Variants in SLTM observed in about 807,000 individuals in gnomAD.
SLTM encodes SAFB like transcription modulator.
A neutral mutation model predicts 134.6 loss-of-function variants in SLTM; 43 were observed. That is an observed-to-expected ratio of 0.32 (90% CI 0.25 to 0.41). SLTM has a LOEUF of 0.41. Among genes scored for constraint, SLTM ranks in the 10% least tolerant of loss-of-function variants. The pLI, the probability that SLTM is intolerant of heterozygous loss-of-function variation, is 1.00. For missense variants in SLTM, 1,055 were observed against 1,288.8 expected (o/e 0.82, Z 2.78); for synonymous variants, 424 against 432.3 (o/e 0.98, Z 0.24).
chr15:58,890,565 T>A lies in SLTM; in HGVS notation c.1899-104A>T, dbSNP rs2034571517. 3 of 1,130,024 alleles carry A rather than the reference T, an allele frequency of 2.7e-6. No homozygotes were observed. In the Admixed American group the frequency reaches 7.6e-5, roughly 29 times the overall value. 70.0% of individuals were successfully genotyped at this position (1,130,024 alleles called of 1,614,324 possible). On this transcript the variant is annotated intron_variant, in intron 14 of 20. Coordinates refer to ENST00000380516, the MANE Select transcript of SLTM (RefSeq NM_024755.4). ...TCCTTGAGGTTGGCAATTTTAAATTTCAACTCAATCTAAGTAGTTTTAATG... is the reference window on the plus strand; with the variant it reads ...TCCTTGAGGTTGGCAATTTTAAATTACAACTCAATCTAAGTAGTTTTAATG...
At chr15:58,886,712 T>C (rs1470783416) in intron 19 of SLTM, among the ~76,000 whole-genome samples, 1 of 152,222 alleles carries the variant, frequency 6.6e-6, no homozygotes, top group Non-Finnish European at 1.5e-5. Context: ...TTAACAATTC[T>C]TAAATTTCAC....
chr15:58,916,307 G>A (rs2036646715), intron 3 of SLTM, among the ~76,000 whole-genome samples: 1 of 151,642 alleles, frequency 6.6e-6, no homozygotes. Flanking sequence ...TCAAGTAGTT[G>A]GGATTACAGG....
intron 15 of SLTM, chr15:58,890,018 G>A: frequency 2.1e-6 from 1 of 487,080 alleles, no homozygotes; most frequent in South Asian, 2.9e-5. Context: ...CAACTACTCT[G>A]GACTCATAGT....
rs183643752 is a variant in SLTM, at chr15:58,929,462, G to T, written c.250+2894C>A. Reference sequence around the variant, plus strand: ...AAACTCCATCTCAAAAAAAAGAAAAGAAAAGAAAAACGGACATCACATTAA... The same window carrying T: ...AAACTCCATCTCAAAAAAAAGAAAATAAAAGAAAAACGGACATCACATTAA... On this transcript the variant is annotated intron_variant, in intron 2 of 20. Transcript: ENST00000380516. 8.5e-4 allele frequency among the ~76,000 whole-genome samples: 130 copies of T among 152,104 alleles called. 1 individual carries two copies. Among genetic ancestry groups the T allele is most frequent in the Admixed American group, 1.3e-3 (20 of 15,276 alleles).
At chr15:58,907,719 A>G (rs1249569490) in intron 5 of SLTM, among the ~76,000 whole-genome samples, 2 of 152,210 alleles carry the variant, frequency 1.3e-5, no homozygotes, top group African/African-American at 4.8e-5. Context: ...CAAGCTAGTA[A>G]AACAACACTA....
intron 8 of SLTM, 25 bp from the exon 9 acceptor site, chr15:58,897,258 T>A (rs2035158723): frequency 7.8e-7 from 1 of 1,277,578 alleles, no homozygotes; most frequent in Non-Finnish European, 1.1e-6. Context: ...ATATCAGATG[T>A]TTAAGTATCT....
chr15:58,929,346 G>C (rs903745715), intron 2 of SLTM, among the ~76,000 whole-genome samples: 13 of 152,108 alleles, frequency 8.5e-5, no homozygotes, highest in African/African-American at 2.9e-4. Context: ...TACTCGGGAG[G>C]CTGAGGCAGG....
intron 9 of SLTM, among the ~76,000 whole-genome samples, chr15:58,894,969 T>C (rs1356947647): frequency 6.6e-6 from 1 of 152,196 alleles, no homozygotes. Context: ...CCTCCCACAG[T>C]GCTGGGATTA....
chr15:58,927,543 T>C (rs1158680334), intron 2 of SLTM, among the ~76,000 whole-genome samples: 2 of 152,200 alleles, frequency 1.3e-5, no homozygotes, highest in East Asian at 3.8e-4. Context: ...AGTACTGGGA[T>C]TACAGGCGTG....
chr15:58,884,379 C>T (rs1595823429), intron 19 of SLTM, among the ~76,000 whole-genome samples: 2 of 152,008 alleles, frequency 1.3e-5, no homozygotes, highest in African/African-American at 2.4e-5. Flanking sequence ...AATGCAGTGG[C>T]GCGATCTCGG....
At chr15:58,895,699 C>T (rs1205079480) in intron 9 of SLTM, among the ~76,000 whole-genome samples, 1 of 152,164 alleles carries the variant, frequency 6.6e-6, no homozygotes, top group Non-Finnish European at 1.5e-5. Context: ...TAAATACCAA[C>T]ATTAAAATAT....
chr15:58,899,864 A>G lies in SLTM; in HGVS notation c.663T>C (p.Ala221=). 6.2e-7 allele frequency: 1 copy of G among 1,614,126 alleles called. No individual in the cohort carries two copies. Among genetic ancestry groups the G allele is most frequent in the Non-Finnish European group, 8.5e-7 (1 of 1,180,004 alleles). Reference sequence around the variant, plus strand: ...CCATCTCTTCATGAGCTGTGTGATCAGCCTCAGCTAGGCTCCCTTCTGAAG... The same window carrying G: ...CCATCTCTTCATGAGCTGTGTGATCGGCCTCAGCTAGGCTCCCTTCTGAAG... ...PLPSEGSLAE[A]DHTAHEEMEA... Residue 221 remains alanine, a synonymous_variant, in exon 7 of 21, where the codon GCT becomes GCC. Coordinates refer to ENST00000380516, the MANE Select transcript of SLTM (RefSeq NM_024755.4). The surrounding 1 kb of genome is among the most constrained non-coding windows in gnomAD (Gnocchi z 5.0).
intron 1 of SLTM, 151 bp downstream of exon 1, chr15:58,933,253 C>T: frequency 8.0e-6 from 6 of 754,342 alleles, no homozygotes; most frequent in Non-Finnish European, 1.1e-5. Context: ...CCCCGTCCTC[C>T]ACGCTCGCGG....
chr15:58,912,948 A>C (rs1159645852), intron 4 of SLTM: 9 of 201,142 alleles, frequency 4.5e-5, no homozygotes, highest in Admixed American at 2.7e-4. Flanking sequence ...CAAATGGTCT[A>C]TTTCAAAGAA....
rs1277170159 is a variant in SLTM at position 58,887,329 on chromosome 15, C to G, written c.2587G>C (p.Asp863His). The change falls in exon 18 of 21, where the codon GAT (aspartate) becomes CAT (histidine). Residue 863 changes from aspartate (D) to histidine (H), a missense_variant. Asp to His is a moderately conservative substitution (Grantham distance 81, BLOSUM62 -1). This residue lies in a region of SLTM where 776 missense variants were observed against 962.2 expected (regional missense o/e 0.81). Transcript: ENST00000380516. ...CGAGGATGTCTAGGATGAGTGATATCAGGCCTGTCATGAATAATCACCGTT... is the reference window on the plus strand; with the variant it reads ...CGAGGATGTCTAGGATGAGTGATATGAGGCCTGTCATGAATAATCACCGTT... Reference protein sequence around the residue: ...RRTVIIHDRPDITHPRHPREA... With the variant: ...RRTVIIHDRPHITHPRHPREA... 2.5e-6 allele frequency: 4 copies of G among 1,614,026 alleles called. No individual in the cohort carries two copies. Among genetic ancestry groups the G allele is most frequent in the Non-Finnish European group, 3.4e-6 (4 of 1,180,024 alleles).
chr15:58,908,779 C>T (rs1260113220), intron 5 of SLTM, among the ~76,000 whole-genome samples: 1 of 152,144 alleles, frequency 6.6e-6, no homozygotes, highest in Non-Finnish European at 1.5e-5. Context: ...GAACTTAAAA[C>T]ACAGTGTTCA....
At chr15:58,904,039 G>A (rs2141057150) in intron 5 of SLTM, among the ~76,000 whole-genome samples, 1 of 152,268 alleles carries the variant, frequency 6.6e-6, no homozygotes, top group Non-Finnish European at 1.5e-5. Flanking sequence ...GTCTCACTCT[G>A]TTACCCAGGC....
rs142959204 is a variant in SLTM at position 58,883,770 on chromosome 15, C to A, written c.2852G>T (p.Arg951Leu). ...CCGTCCATGGCGTTCAACCACATGT[C>A]GCTCCTCAGGATAGTGCTAAAAGAA... ...GGGSQHYPEE[R>L]HVVERHGRDT... Residue 951 changes from arginine to leucine, a missense_variant, in exon 20 of 21, where the codon CGA becomes CTA. Physicochemically the swap from Arg to Leu is moderately radical, Grantham distance 102. Around this residue, in one of 3 missense-constraint regions of SLTM, gnomAD observed 776 missense variants for 962.2 expected, o/e 0.81. Coordinates refer to ENST00000380516, the MANE Select transcript of SLTM (RefSeq NM_024755.4). The A allele has an allele frequency of 6.2e-7, 1 of 1,613,974 alleles. No homozygotes were observed. The highest frequency in any genetic ancestry group is 2.2e-5 in the East Asian group (1 of 44,878).
chr15:58,904,812 G>C (rs1209755387), intron 5 of SLTM, among the ~76,000 whole-genome samples: 7 of 152,126 alleles, frequency 4.6e-5, no homozygotes, highest in African/African-American at 1.7e-4. Context: ...CCTGGTTCAA[G>C]CAATTCTCCT....
Sources: allele counts gnomAD v4.1 joint callset (sites outside exome capture counted in the v4.1 genomes callset), GRCh38; gene constraint gnomAD v4.1.1; regional missense constraint gnomAD v4.1.1; non-coding constraint Gnocchi (gnomAD v3.1); transcripts MANE v1.5; gene names NCBI Gene and HGNC (gene_info 2026-07-23, HGNC 2026-07-21).